The following SMAD3 variants were observed in gnomAD, a reference collection of about 807,000 sequenced individuals.
The protein encoded by SMAD3 is MAD homolog 3.
Under a neutral mutation model 51.8 loss-of-function variants are expected in SMAD3, and 12 were observed. The ratio of observed to expected loss-of-function variants is 0.23; its 90% CI spans 0.15 to 0.38. SMAD3 has a LOEUF of 0.38. Among genes scored for constraint, SMAD3 ranks in the 10% least tolerant of loss-of-function variants. The probability of loss-of-function intolerance (pLI) is 1.00; values close to 1 mark genes in which losing one functional copy is unlikely to be tolerated. For missense variants in SMAD3, 294 were observed against 565.6 expected (o/e 0.52, Z 4.87); for synonymous variants, 238 against 227.7 (o/e 1.05, Z -0.41).
At position 67,170,615 on chromosome 15, in the gene SMAD3, C is replaced by T. The variant is rs765564728; in HGVS notation, c.658+11C>T. On this transcript the variant is annotated intron_variant, in intron 5 of 8. Coordinates refer to ENST00000327367, the MANE Select transcript of SMAD3 (RefSeq NM_005902.4). ...CACATAATAACTTGGGTGAGTATCTCCTTGTGCACACAACTGGAACCCCCT... is the reference window on the plus strand; with the variant it reads ...CACATAATAACTTGGGTGAGTATCTTCTTGTGCACACAACTGGAACCCCCT... 6.2e-7 allele frequency: 1 copy of T among 1,612,164 alleles called. No individual in the cohort carries two copies. The highest frequency in any genetic ancestry group is 8.5e-7 in the Non-Finnish European group (1 of 1,178,350).
intron 1 of SMAD3, among the ~76,000 whole-genome samples, chr15:67,103,879 T>C (rs1960818184): frequency 6.6e-6 from 1 of 152,166 alleles, no homozygotes; most frequent in African/African-American, 2.4e-5. Context: ...AAACACTTAC[T>C]TGGATTGATT....
At chr15:67,181,118 T>C (rs1440533064) in intron 5 of SMAD3, 123 bp from the exon 6 acceptor site, 1 of 765,284 alleles carries the variant, frequency 1.3e-6, no homozygotes, top group Non-Finnish European at 2.3e-6. Flanking sequence ...AGGCATGGGG[T>C]AGGGAGATTA....
At chr15:67,190,378 G>A in intron 8 of SMAD3, 35 bp from the exon 9 acceptor site, 2 of 1,607,544 alleles carry the variant, frequency 1.2e-6, no homozygotes, top group Non-Finnish European at 1.7e-6. Flanking sequence ...GATTTTTTAA[G>A]TCCCCCACCC....
intron 1 of SMAD3, among the ~76,000 whole-genome samples, chr15:67,139,180 G>A (rs997549708): frequency 2.6e-5 from 4 of 152,180 alleles, no homozygotes; most frequent in Non-Finnish European, 4.4e-5. Flanking sequence ...AAAAGAAGGG[G>A]GCTAGAGGGA....
chr15:67,130,692 G>A lies in SMAD3; in HGVS notation c.207-34203G>A, dbSNP rs570246559. On this transcript the variant is annotated intron_variant, in intron 1 of 8. Transcript: ENST00000327367. ...AACTTAGGCAAAGTATTCAAGGAAA[G>A]TGCCAGGGGACAGGAAGGACACCAT... 2.0e-5 allele frequency among the ~76,000 whole-genome samples: 3 copies of A among 152,366 alleles called. No homozygotes were observed. The South Asian group carries it at 6.2e-4, about 32-fold the overall frequency.
At chr15:67,168,242 C>G (rs1962644979) in intron 4 of SMAD3, among the ~76,000 whole-genome samples, 1 of 152,216 alleles carries the variant, frequency 6.6e-6, no homozygotes, top group Admixed American at 6.5e-5. Context: ...CCGCACCTGG[C>G]TGAGGTTGTG....
chr15:67,113,673 A>G (rs1961073386), intron 1 of SMAD3, among the ~76,000 whole-genome samples: 4 of 152,354 alleles, frequency 2.6e-5, no homozygotes, highest in Admixed American at 2.6e-4. Context: ...ATTAACACAG[A>G]TGTCTGAAAG....
chr15:67,087,022 A>G (rs1431720940), intron 1 of SMAD3, among the ~76,000 whole-genome samples: 1 of 151,798 alleles, frequency 6.6e-6, no homozygotes, highest in Non-Finnish European at 1.5e-5. Flanking sequence ...CAGACTCCCA[A>G]GTAGCTGGTA....
At chr15:67,073,904 C>T (rs148338116) in intron 1 of SMAD3, among the ~76,000 whole-genome samples, 4 of 152,324 alleles carry the variant, frequency 2.6e-5, no homozygotes, top group African/African-American at 9.6e-5. Flanking sequence ...AACTCCTGGC[C>T]TCAAGTGATC....
At chr15:67,117,382 C>G (rs1961158750) in intron 1 of SMAD3, among the ~76,000 whole-genome samples, 1 of 152,132 alleles carries the variant, frequency 6.6e-6, no homozygotes, top group South Asian at 2.1e-4. Context: ...AGCTGTTTGT[C>G]AGAACCAGCA....
intron 3 of SMAD3, chr15:67,166,223 A>G (rs1272987551): frequency 1.3e-5 from 13 of 1,005,598 alleles, no homozygotes; most frequent in Non-Finnish European, 1.6e-5. Context: ...TTCAAAGAGC[A>G]AATCTTGGAG....
intron 5 of SMAD3, among the ~76,000 whole-genome samples, chr15:67,177,114 G>A (rs933124531): frequency 1.3e-5 from 2 of 152,126 alleles, no homozygotes; most frequent in Non-Finnish European, 2.9e-5. Flanking sequence ...ATTGGTCAGG[G>A]GAGGGGTTGC....
chr15:67,187,633 A>T, intron 8 of SMAD3, 124 bp downstream of exon 8: 1 of 1,283,338 alleles, frequency 7.8e-7, no homozygotes, highest in Non-Finnish European at 1.1e-6. Context: ...AAGACCAAAG[A>T]TCAGAGAGAG....
intron 1 of SMAD3, among the ~76,000 whole-genome samples, chr15:67,151,259 A>G (rs993473680): frequency 6.6e-6 from 1 of 152,044 alleles, no homozygotes; most frequent in African/African-American, 2.4e-5. Flanking sequence ...TTCTTTGGAG[A>G]AGAGGGTCTA....
At chr15:67,098,874 A>G (rs1960682236) in intron 1 of SMAD3, 1 of 701,838 alleles carries the variant, frequency 1.4e-6, no homozygotes, top group East Asian at 2.7e-5. Context: ...GCATACATGG[A>G]TGGGAGGGTG....
chr15:67,161,136 T>C (rs911100238), intron 1 of SMAD3, among the ~76,000 whole-genome samples: 17 of 152,192 alleles, frequency 1.1e-4, no homozygotes, highest in African/African-American at 3.9e-4. Flanking sequence ...GTTTGAAGAT[T>C]ATCTTTTTTA....
At chr15:67,086,894 CTT>C (rs35917837) in intron 1 of SMAD3, among the ~76,000 whole-genome samples, 88 of 138,430 alleles carry the variant, frequency 6.4e-4, no homozygotes, top group South Asian at 1.2e-3. Flanking sequence ...ATATCTTCTC[CTT>C]TTTTTTTTTT....
chr15:67,065,881 T>C lies in SMAD3; in HGVS notation c.-274T>C. 4.6e-6 allele frequency: 1 copy of C among 216,018 alleles called. No homozygotes were observed. Among genetic ancestry groups the C allele is most frequent in the Non-Finnish European group, 9.3e-6 (1 of 107,442 alleles). 13.4% of individuals were successfully genotyped at this position (216,018 alleles called of 1,614,324 possible). A position where few individuals can be genotyped will look rare whatever the true frequency, so the allele number is the denominator to read the frequency against. ...CGCGGCCGCCGCCTCCGCCCCGCGT[T>C]CGGGGCCTTCCCGACCCTGCACTGC... On this transcript the variant is annotated 5_prime_UTR_variant, in exon 1 of 9. Transcript: ENST00000327367.
intron 1 of SMAD3, among the ~76,000 whole-genome samples, chr15:67,140,219 A>G (rs565549759): frequency 6.6e-6 from 1 of 152,180 alleles, no homozygotes; most frequent in South Asian, 2.1e-4. Flanking sequence ...ATTCTGGAAG[A>G]GACATTAAGT....
Sources: allele counts gnomAD v4.1 joint callset (sites outside exome capture counted in the v4.1 genomes callset), GRCh38; gene constraint gnomAD v4.1.1; transcripts MANE v1.5; gene names NCBI Gene and HGNC (gene_info 2026-07-23, HGNC 2026-07-21).